The following SCAI variants were observed in gnomAD, a reference collection of about 807,000 sequenced individuals.
The protein encoded by SCAI is protein SCAI.
Under a neutral mutation model 92.2 loss-of-function variants are expected in SCAI, and 24 were observed. The ratio of observed to expected loss-of-function variants is 0.26; its 90% CI spans 0.19 to 0.37. SCAI has a LOEUF of 0.37. Among genes scored for constraint, SCAI ranks in the 10% least tolerant of loss-of-function variants. SCAI has a pLI of 1.00. For missense variants in SCAI, 450 were observed against 736.2 expected (o/e 0.61, Z 4.50); for synonymous variants, 261 against 258.6 (o/e 1.01, Z -0.09).
At chr9:125,023,322 C>A (rs544749140) in intron 6 of SCAI, among the ~76,000 whole-genome samples, 2 of 152,306 alleles carry the variant, frequency 1.3e-5, no homozygotes, top group South Asian at 4.1e-4. Flanking sequence ...GACTTCCTTA[C>A]TTTCTTGACA....
intron 2 of SCAI, among the ~76,000 whole-genome samples, chr9:125,131,435 A>G (rs1182765520): frequency 6.6e-6 from 1 of 151,510 alleles, no homozygotes; most frequent in African/African-American, 2.4e-5. Flanking sequence ...AAAAATAAAC[A>G]TATATACATA....
In SCAI at chr9:125,018,955, A is replaced by G. The variant is rs144802628; in HGVS notation, c.709-4T>C. The stretch of plus-strand genomic sequence containing the variant: ...TTAATACCATTACAGGATCCGCCTA[A>G]AGAAAAAAGCAATAAGAACTTAACG... On this transcript the variant is annotated splice_region_variant and splice_polypyrimidine_tract_variant and intron_variant, in intron 8 of 17. Transcript: ENST00000336505. 6.2e-7 allele frequency: 1 copy of G among 1,611,284 alleles called. No individual in the cohort carries two copies. The highest frequency in any genetic ancestry group is 8.5e-7 in the Non-Finnish European group (1 of 1,179,228).
chr9:125,090,962 C>CA (rs902854186), intron 2 of SCAI, among the ~76,000 whole-genome samples: 5 of 152,030 alleles, frequency 3.3e-5, no homozygotes, highest in Middle Eastern at 3.4e-3. Context: ...ACTAAAAATA[C>CA]AAAAAAATAG....
At chr9:125,046,314 TATACAC>T (rs1455634943) in intron 3 of SCAI, among the ~76,000 whole-genome samples, 1 of 13,254 alleles carries the variant, frequency 7.5e-5, no homozygotes, top group Non-Finnish European at 2.0e-4. Flanking sequence ...CTCATATATA[TATACAC>T]ACACACACAC....
At chr9:125,121,257 G>A (rs1835150655) in intron 2 of SCAI, among the ~76,000 whole-genome samples, 1 of 149,296 alleles carries the variant, frequency 6.7e-6, no homozygotes. Context: ...TTTCAGTTGA[G>A]GGTTTATGGG....
chr9:124,966,072 T>C (rs1005268926), intron 17 of SCAI, among the ~76,000 whole-genome samples: 4 of 152,242 alleles, frequency 2.6e-5, no homozygotes, highest in Non-Finnish European at 5.9e-5. Flanking sequence ...AGTGATTTTA[T>C]GCAGTTATGA....
rs538499453 is a variant in SCAI at position 125,002,111 on chromosome 9, T to G, written c.1066-68A>C. The G allele has an allele frequency of 2.8e-6, 3 of 1,064,796 alleles. No homozygotes were observed. In the East Asian group the frequency reaches 7.1e-5, roughly 25 times the overall value. The allele number at this position is 1,064,796 out of a possible 1,614,324, so 66.0% of individuals were successfully genotyped here. On this transcript the variant is annotated intron_variant, in intron 11 of 17. Transcript: ENST00000336505. The stretch of plus-strand genomic sequence containing the variant: ...ATAAACAACATGGTTTTATTTAAAG[T>G]TCATGACATCTTAAAGTTGTGAAAT...
intron 2 of SCAI, among the ~76,000 whole-genome samples, chr9:125,085,353 G>A (rs1392749267): frequency 6.6e-6 from 1 of 152,118 alleles, no homozygotes; most frequent in Non-Finnish European, 1.5e-5. Context: ...CTTGCGTGGT[G>A]GCGTGCACCT....
intron 2 of SCAI, among the ~76,000 whole-genome samples, chr9:125,129,950 G>A (rs1365639527): frequency 6.6e-6 from 1 of 151,214 alleles, no homozygotes; most frequent in African/African-American, 2.4e-5. Context: ...CCAGGGTGGA[G>A]TGCCGTAATG....
intron 3 of SCAI, among the ~76,000 whole-genome samples, chr9:125,032,474 G>A (rs1355196849): frequency 6.6e-6 from 1 of 151,486 alleles, no homozygotes; most frequent in Non-Finnish European, 1.5e-5. Flanking sequence ...TTACAGGTGT[G>A]AGCCACCATG....
chr9:125,007,747 T>TC (rs1277932309), intron 9 of SCAI, among the ~76,000 whole-genome samples: 2 of 151,950 alleles, frequency 1.3e-5, no homozygotes, highest in African/African-American at 2.4e-5. Flanking sequence ...AGCCTTGACT[T>TC]CCCGGGCTCA....
intron 2 of SCAI, among the ~76,000 whole-genome samples, chr9:125,129,870 C>T (rs1564132990): frequency 1.3e-5 from 2 of 150,630 alleles, no homozygotes; most frequent in Non-Finnish European, 3.0e-5. Flanking sequence ...TGAAAGTTCA[C>T]ATCACTTCTA....
At chr9:125,050,621 T>C (rs1833541931) in intron 3 of SCAI, among the ~76,000 whole-genome samples, 1 of 152,202 alleles carries the variant, frequency 6.6e-6, no homozygotes, top group African/African-American at 2.4e-5. Context: ...TTGCCCAGGC[T>C]GGAGTACAGT....
intron 3 of SCAI, among the ~76,000 whole-genome samples, chr9:125,043,701 A>T (rs956230640): frequency 6.6e-6 from 1 of 151,950 alleles, no homozygotes; most frequent in African/African-American, 2.4e-5. Flanking sequence ...ACTCACTGCA[A>T]CCTCTCCCTC....
intron 6 of SCAI, 142 bp from the exon 7 acceptor site, chr9:125,020,911 T>C (rs1832858587): frequency 4.3e-6 from 2 of 467,050 alleles, no homozygotes; most frequent in East Asian, 7.2e-5. Flanking sequence ...ATATAGTCTT[T>C]TTAAAATATT....
chr9:125,116,264 A>G (rs1022282312), intron 2 of SCAI, among the ~76,000 whole-genome samples: 1 of 152,198 alleles, frequency 6.6e-6, no homozygotes. Context: ...TAAAATATTA[A>G]AAGTATTATT....
At chr9:124,983,717 AAAT>A (rs1831933507) in intron 14 of SCAI, among the ~76,000 whole-genome samples, 1 of 152,246 alleles carries the variant, frequency 6.6e-6, no homozygotes, top group African/African-American at 2.4e-5. Context: ...CTAACCAACT[AAAT>A]AAATAAGTTA....
chr9:125,111,479 G>A (rs1272812707), intron 2 of SCAI, among the ~76,000 whole-genome samples: 1 of 152,018 alleles, frequency 6.6e-6, no homozygotes, highest in Non-Finnish European at 1.5e-5. Context: ...TGAACCACAC[G>A]CAACCCAGGA....
intron 14 of SCAI, among the ~76,000 whole-genome samples, chr9:124,987,360 A>G (rs1471632716): frequency 6.6e-6 from 1 of 152,130 alleles, no homozygotes; most frequent in Non-Finnish European, 1.5e-5. Context: ...CTCCTACTAA[A>G]TACTACATTA....
Sources: gnomAD v4.1 joint callset for allele counts (sites outside exome capture counted in the v4.1 genomes callset) on GRCh38, gnomAD v4.1.1 for gene constraint, MANE v1.5 for transcripts, NCBI Gene and HGNC (gene_info 2026-07-23, HGNC 2026-07-21) for gene names.